Variants in EYS observed in about 807,000 individuals in gnomAD.
The protein encoded by EYS is protein eyes shut homolog.
Under a neutral mutation model 282.1 loss-of-function variants are expected in EYS, and 250 were observed. The ratio of observed to expected loss-of-function variants is 0.89; its 90% CI spans 0.80 to 0.98. The LOEUF is 0.98. Ranked by LOEUF, EYS falls within the 50% of genes least tolerant of loss-of-function variation. EYS has a pLI of 0.00. For missense variants in EYS, 4,016 were observed against 3,709.0 expected, an observed-to-expected ratio of 1.08 and a Z score of -2.15; for synonymous variants, 1,355 against 1,282.9, an observed-to-expected ratio of 1.06 and a Z score of -1.20.
chr6:64,483,987 T>A (rs1227609433), intron 26 of EYS, among the ~76,000 whole-genome samples: 1 of 151,590 alleles, frequency 6.6e-6, no homozygotes, highest in Non-Finnish European at 1.5e-5. Flanking sequence ...GGCATTAAGT[T>A]TTAATATGGG....
At chr6:64,395,608 A>T (rs1294854444) in intron 28 of EYS, among the ~76,000 whole-genome samples, 1 of 143,200 alleles carries the variant, frequency 7.0e-6, no homozygotes, top group Non-Finnish European at 1.5e-5. Context: ...CAGGAAGGGG[A>T]ATATCACACT....
At chr6:64,520,567 T>C (rs571825144) in intron 26 of EYS, among the ~76,000 whole-genome samples, 13 of 151,862 alleles carry the variant, frequency 8.6e-5, no homozygotes, top group African/African-American at 3.1e-4. Flanking sequence ...ATTAATGAAT[T>C]AATACTGTAG....
At chr6:63,849,196 T>G (rs561600911) in intron 36 of EYS, among the ~76,000 whole-genome samples, 1 of 152,128 alleles carries the variant, frequency 6.6e-6, no homozygotes, top group African/African-American at 2.4e-5. Context: ...GTCAGAGGCT[T>G]ACAGATAAAA....
chr6:64,945,975 G>C, intron 14 of EYS, 61 bp from the exon 15 acceptor site: 2 of 1,285,926 alleles, frequency 1.6e-6, no homozygotes, highest in Non-Finnish European at 2.1e-6. Context: ...CTATAATACA[G>C]ATATTACTCC....
chr6:63,901,418 T>G (rs1383512866), intron 35 of EYS, among the ~76,000 whole-genome samples: 1 of 152,200 alleles, frequency 6.6e-6, no homozygotes, highest in African/African-American at 2.4e-5. Context: ...ACATGTGTAA[T>G]GCACCGAGGA....
intron 35 of EYS, among the ~76,000 whole-genome samples, chr6:63,973,329 T>G (rs1274258329): frequency 6.6e-6 from 1 of 152,164 alleles, no homozygotes; most frequent in Non-Finnish European, 1.5e-5. Context: ...TTTTTTCATA[T>G]GTTTGTTGGT....
At chr6:65,522,867 T>C (rs1767422828) in intron 2 of EYS, among the ~76,000 whole-genome samples, 1 of 152,146 alleles carries the variant, frequency 6.6e-6, no homozygotes, top group African/African-American at 2.4e-5. Context: ...TTTAACCTTT[T>C]CCTTGATCCT....
intron 31 of EYS, among the ~76,000 whole-genome samples, chr6:64,150,425 A>T (rs1774662565): frequency 6.6e-6 from 1 of 152,190 alleles, no homozygotes; most frequent in Admixed American, 6.6e-5. Context: ...CACAACAAAT[A>T]TAAGAAACAA....
At chr6:64,085,360 A>C (rs985803582) in intron 31 of EYS, among the ~76,000 whole-genome samples, 2 of 151,566 alleles carry the variant, frequency 1.3e-5, no homozygotes, top group Non-Finnish European at 2.9e-5. Flanking sequence ...ACACACACAC[A>C]CACACAGTGC....
chr6:64,375,226 TATAAGA>T (rs541139362), intron 29 of EYS, among the ~76,000 whole-genome samples: 21 of 152,344 alleles, frequency 1.4e-4, no homozygotes, highest in African/African-American at 2.4e-4. Context: ...TCCAATTAAG[TATAAGA>T]ATATGTATGG....
intron 26 of EYS, among the ~76,000 whole-genome samples, chr6:64,540,948 A>G (rs1764680292): frequency 6.6e-6 from 1 of 152,218 alleles, no homozygotes; most frequent in East Asian, 1.9e-4. Context: ...TATGAAAATT[A>G]TTCCCAGAGC....
At chr6:65,125,313 T>C (rs1317568230) in intron 12 of EYS, among the ~76,000 whole-genome samples, 7 of 152,202 alleles carry the variant, frequency 4.6e-5, no homozygotes, top group African/African-American at 7.2e-5. Flanking sequence ...AATTCATCTA[T>C]AGAGTCTCAA....
chr6:64,128,125 A>G (rs114470094), intron 31 of EYS, among the ~76,000 whole-genome samples: 2,113 of 152,234 alleles, frequency 0.014, 43 homozygotes, highest in African/African-American at 0.048. Context: ...TTTCTCCAAT[A>G]TAATAGTAAC....
At chr6:65,560,012 T>C (rs1465496189) in intron 2 of EYS, among the ~76,000 whole-genome samples, 2 of 150,496 alleles carry the variant, frequency 1.3e-5, no homozygotes, top group Admixed American at 1.3e-4. Context: ...TTAAAGAATG[T>C]ATTTCAGTTT....
chr6:65,153,708 G>T (rs1468344264), intron 12 of EYS, among the ~76,000 whole-genome samples: 1 of 151,384 alleles, frequency 6.6e-6, no homozygotes, highest in African/African-American at 2.4e-5. Flanking sequence ...GTGATATTTT[G>T]GTATAAAATC....
At chr6:65,108,261 T>C (rs1021086690) in intron 12 of EYS, among the ~76,000 whole-genome samples, 1 of 151,836 alleles carries the variant, frequency 6.6e-6, no homozygotes, top group Non-Finnish European at 1.5e-5. Context: ...AAGATATTTA[T>C]TCTGTATAGA....
intron 35 of EYS, among the ~76,000 whole-genome samples, chr6:63,922,874 C>A (rs1203068520): frequency 6.6e-6 from 1 of 152,084 alleles, no homozygotes; most frequent in East Asian, 1.9e-4. Context: ...TAAAAGGCAC[C>A]CAGGATTGGG....
chr6:65,148,952 G>T (rs1764547582), intron 12 of EYS, among the ~76,000 whole-genome samples: 1 of 152,070 alleles, frequency 6.6e-6, no homozygotes, highest in Admixed American at 6.6e-5. Flanking sequence ...CTGCTGGGAT[G>T]CAAGGAACCA....
intron 36 of EYS, among the ~76,000 whole-genome samples, chr6:63,830,881 T>G (rs914571895): frequency 6.6e-6 from 1 of 152,220 alleles, no homozygotes; most frequent in African/African-American, 2.4e-5. Context: ...GCAGAAACTC[T>G]TAAAGCCAGG....
Sources: gnomAD v4.1 joint callset for allele counts (sites outside exome capture counted in the v4.1 genomes callset) on GRCh38, gnomAD v4.1.1 for gene constraint, MANE v1.5 for transcripts, NCBI Gene and HGNC (gene_info 2026-07-23, HGNC 2026-07-21) for gene names.